The following AKAP6 variants were observed in gnomAD, a reference collection of about 807,000 sequenced individuals.
AKAP6 encodes the protein A-kinase anchoring protein 6.
A neutral mutation model predicts 188.5 loss-of-function variants in AKAP6; 58 were observed. The observed-to-expected ratio is 0.31, with a 90% CI of 0.25 to 0.38. AKAP6 has a LOEUF of 0.38. AKAP6 is among the 10% of genes least tolerant of loss of function. AKAP6 has a pLI of 1.00. For synonymous variants in AKAP6, 989 were observed against 998.6 expected, an observed-to-expected ratio of 0.99 and a Z score of 0.18; for missense variants, 2,710 against 2,740.0, an observed-to-expected ratio of 0.99 and a Z score of 0.24.
At chr14:32,510,492 A>ATATATATATACACATATATATATGTG (rs1566547071) in intron 2 of AKAP6, among the ~76,000 whole-genome samples, 3 of 113,442 alleles carry the variant, frequency 2.6e-5, no homozygotes, top group African/African-American at 1.2e-4. Flanking sequence ...ATATATGTGT[A>ATATATATATACACATATATATATGTG]TATATATATA....
At chr14:32,685,026 C>T (rs1889847902) in intron 8 of AKAP6, among the ~76,000 whole-genome samples, 1 of 151,798 alleles carries the variant, frequency 6.6e-6, no homozygotes, top group Non-Finnish European at 1.5e-5. Flanking sequence ...GAGGCCAAAG[C>T]AAGAGGATCA....
chr14:32,836,785 C>A lies in AKAP6; in HGVS notation c.*6980C>A, dbSNP rs1047734647. 1 of 152,204 alleles carries A rather than the reference C, an allele frequency of 6.6e-6. No homozygotes were observed. The highest frequency in any genetic ancestry group is 1.5e-5 in the Non-Finnish European group (1 of 68,042). 9.4% of individuals were successfully genotyped at this position (152,204 alleles called of 1,614,324 possible). A position where few individuals can be genotyped will look rare whatever the true frequency, so the allele number is the denominator to read the frequency against. ...AGGTGCTCCCAAACCTGGGAGATGG[C>A]TCCCAAAGAACAAGAGAATCAACCC... is the stretch of plus-strand genomic sequence containing the variant. On this transcript the variant is annotated 3_prime_UTR_variant, in exon 14 of 14. Transcript: ENST00000280979.
chr14:32,459,282 G>A (rs1404420963), intron 2 of AKAP6, among the ~76,000 whole-genome samples: 4 of 141,160 alleles, frequency 2.8e-5, no homozygotes, highest in Non-Finnish European at 6.6e-5. Flanking sequence ...TAACTTTTTG[G>A]GGCAATGAAA....
chr14:32,470,914 G>A (rs1354748000), intron 2 of AKAP6, among the ~76,000 whole-genome samples: 1 of 152,156 alleles, frequency 6.6e-6, no homozygotes, highest in Non-Finnish European at 1.5e-5. Flanking sequence ...ACAAATGAAT[G>A]TCATTCACAA....
At chr14:32,554,088 G>T (rs539036954) in intron 4 of AKAP6, among the ~76,000 whole-genome samples, 1 of 152,380 alleles carries the variant, frequency 6.6e-6, no homozygotes, top group East Asian at 1.9e-4. Context: ...CTGGACATAT[G>T]TGGTATAAGT....
chr14:32,578,345 A>G (rs767936909), intron 5 of AKAP6, among the ~76,000 whole-genome samples: 2 of 152,146 alleles, frequency 1.3e-5, no homozygotes, highest in Non-Finnish European at 1.5e-5. Flanking sequence ...CTTGCAGATG[A>G]TAAAGAATGA....
chr14:32,593,478 G>A (rs1885568563), intron 5 of AKAP6, among the ~76,000 whole-genome samples: 1 of 152,186 alleles, frequency 6.6e-6, no homozygotes, highest in Non-Finnish European at 1.5e-5. Flanking sequence ...GACATTAGAA[G>A]AGACTTCCCT....
intron 2 of AKAP6, among the ~76,000 whole-genome samples, chr14:32,480,473 A>G (rs1232165583): frequency 1.3e-5 from 2 of 152,190 alleles, no homozygotes; most frequent in Admixed American, 6.6e-5. Flanking sequence ...GAAGGTGTCC[A>G]TTCATGGTCA....
At chr14:32,351,525 C>G (rs1163441201) in intron 1 of AKAP6, among the ~76,000 whole-genome samples, 1 of 149,740 alleles carries the variant, frequency 6.7e-6, no homozygotes, top group African/African-American at 2.5e-5. Context: ...TTGCACACCA[C>G]TGCACAGCCT....
chr14:32,389,842 G>A (rs8005778), intron 1 of AKAP6, among the ~76,000 whole-genome samples: 7,570 of 152,120 alleles, frequency 0.05, 255 homozygotes, highest in East Asian at 0.086. Flanking sequence ...ATATTTTGGC[G>A]ATGAATTTCC....
intron 1 of AKAP6, among the ~76,000 whole-genome samples, chr14:32,361,045 G>A (rs1887643212): frequency 8.2e-6 from 1 of 121,428 alleles, no homozygotes; most frequent in Admixed American, 8.0e-5. Flanking sequence ...CACTGCACAA[G>A]GCCTGAACAT....
intron 11 of AKAP6, among the ~76,000 whole-genome samples, chr14:32,739,049 A>C (rs1045149254): frequency 6.6e-6 from 1 of 152,114 alleles, no homozygotes; most frequent in Non-Finnish European, 1.5e-5. Context: ...AAGAAAGGAG[A>C]CCATGCTACA....
At position 32,459,598 on chromosome 14, in the gene AKAP6, AT is replaced by A. The variant is rs1361978770; in HGVS notation, c.324+25782del. Among the ~76,000 whole-genome samples, 4 of 152,060 alleles carry A rather than the reference AT, an allele frequency of 2.6e-5. No homozygotes were observed. In the South Asian group the frequency reaches 8.3e-4, roughly 32 times the overall value. ...GAAAGGCATACATATAAGAAAAAAAATCTACCTAGAAAAGTAAAAATCACTG... is the reference window on the plus strand; with the variant it reads ...GAAAGGCATACATATAAGAAAAAAAACTACCTAGAAAAGTAAAAATCACTG... On this transcript the variant is annotated intron_variant, in intron 2 of 13. Coordinates refer to ENST00000280979, the MANE Select transcript of AKAP6 (RefSeq NM_004274.5).
At chr14:32,662,271 T>G (rs1888737101) in intron 7 of AKAP6, among the ~76,000 whole-genome samples, 1 of 152,142 alleles carries the variant, frequency 6.6e-6, no homozygotes, top group Non-Finnish European at 1.5e-5. Flanking sequence ...GTAGAATGTT[T>G]GTCATTTTAA....
At chr14:32,532,444 A>G (rs907924022) in intron 2 of AKAP6, among the ~76,000 whole-genome samples, 1 of 152,038 alleles carries the variant, frequency 6.6e-6, no homozygotes, top group South Asian at 2.1e-4. Context: ...TGCCCTTTAT[A>G]TATTGTTTTC....
At chr14:32,477,257 C>T (rs78606107) in intron 2 of AKAP6, among the ~76,000 whole-genome samples, 3,144 of 152,252 alleles carry the variant, frequency 0.021, 106 homozygotes, top group African/African-American at 0.069. Context: ...ATGACCCTAA[C>T]TTCCTTGGCT....
At chr14:32,371,092 A>G (rs1887988778) in intron 1 of AKAP6, among the ~76,000 whole-genome samples, 1 of 145,262 alleles carries the variant, frequency 6.9e-6, no homozygotes, top group African/African-American at 2.5e-5. Flanking sequence ...AGAAACAGGA[A>G]AAGTAACTAA....
chr14:32,701,144 T>C (rs980453856), intron 9 of AKAP6, among the ~76,000 whole-genome samples: 6 of 152,144 alleles, frequency 3.9e-5, no homozygotes, highest in African/African-American at 1.4e-4. Flanking sequence ...TCAATTACAT[T>C]TTTACCCTGC....
In AKAP6 at chr14:32,604,377, C is replaced by G. The variant is rs979149349; in HGVS notation, c.2730+3585C>G. ...ACTAGTTCTCTCTCCACAATCTTGG[C>G]TGAATTTTCTCTGGAAAAATGAACT... is the stretch of plus-strand genomic sequence containing the variant. On this transcript the variant is annotated intron_variant, in intron 7 of 13. Coordinates refer to ENST00000280979, the MANE Select transcript of AKAP6 (RefSeq NM_004274.5). Among the ~76,000 whole-genome samples the G allele has an allele frequency of 4.6e-5, 7 of 152,208 alleles. No homozygotes were observed. The South Asian group carries it at 1.5e-3, about 32-fold the overall frequency.
Sources: gnomAD v4.1 joint callset for allele counts (sites outside exome capture counted in the v4.1 genomes callset) on GRCh38, gnomAD v4.1.1 for gene constraint, MANE v1.5 for transcripts, NCBI Gene and HGNC (gene_info 2026-07-23, HGNC 2026-07-21) for gene names.